The following PCDHGA8 variants were observed in gnomAD, a reference collection of about 807,000 sequenced individuals.
PCDHGA8 encodes protocadherin gamma-A8.
Under a neutral mutation model 59.2 loss-of-function variants are expected in PCDHGA8, and 45 were observed. The observed-to-expected ratio is 0.76, with a 90% CI of 0.60 to 0.98. PCDHGA8 has a LOEUF of 0.98. Ranked by LOEUF, PCDHGA8 falls within the 50% of genes least tolerant of loss-of-function variation. PCDHGA8 has a pLI of 0.00. For missense variants in PCDHGA8, 1,257 were observed against 1,196.2 expected (o/e 1.05, Z -0.75); for synonymous variants, 531 against 519.0 (o/e 1.02, Z -0.32).
rs199973289 is a variant in PCDHGA8, at chr5:141,393,414, G to A, written c.601G>A (p.Asp201Asn). The change falls in exon 1 of 4, where the codon GAC becomes AAC. Residue 201 changes from aspartate (D) to asparagine (N), a missense_variant. Physicochemically the swap from Asp to Asn is conservative, Grantham distance 23 (BLOSUM62 1). Transcript: ENST00000398604. ...AGAGCTGGTGCTGGAGCGCGCCCTG[G>A]ACAGGGAGGAAGAGGCTGCTCACCA... ...NPELVLERAL[D>N]REEEAAHHLV... 7 of 1,614,038 alleles carry A rather than the reference G, an allele frequency of 4.3e-6. No individual in the cohort carries two copies. In the East Asian group the frequency reaches 1.3e-4, roughly 31 times the overall value.
chr5:141,393,041 T>G lies in PCDHGA8; in HGVS notation c.228T>G (p.Ala76=). 2 of 1,613,702 alleles carry G rather than the reference T, an allele frequency of 1.2e-6. No homozygotes were observed. Among genetic ancestry groups the G allele is most frequent in the Non-Finnish European group, 1.7e-6 (2 of 1,179,894 alleles). ...IVSRGRTQLF[A]LNPRSGSLIT... ...CCAGAGGTAGGACGCAGCTCTTTGCTCTGAACCCGCGCAGCGGCAGCTTGA... is the reference window on the plus strand; with the variant it reads ...CCAGAGGTAGGACGCAGCTCTTTGCGCTGAACCCGCGCAGCGGCAGCTTGA... The change falls in exon 1 of 4, where the codon GCT becomes GCG. Residue 76 remains alanine, a synonymous_variant. Coordinates refer to ENST00000398604, the MANE Select transcript of PCDHGA8 (RefSeq NM_032088.2).
In PCDHGA8 at chr5:141,433,040, A is replaced by ACGGACT. The variant is rs753119003; in HGVS notation, c.2424+37806_2424+37811dup. The ACGGACT allele has an allele frequency of 8.1e-6, 13 of 1,614,088 alleles. No homozygotes were observed. In the African/African-American group the frequency reaches 1.7e-4, roughly 22 times the overall value. On this transcript the variant is annotated intron_variant, in intron 1 of 3. Transcript: ENST00000398604. ...CTATTCCCACGAGGTTTCCCTCACC[A>ACGGACT]CGGACTCGCGGAAGAGTCACCTGAT...
At chr5:141,460,455 A>G (rs1021070289) in intron 1 of PCDHGA8, among the ~76,000 whole-genome samples, 2 of 152,080 alleles carry the variant, frequency 1.3e-5, no homozygotes, top group African/African-American at 4.8e-5. Context: ...GAAGATTCAT[A>G]TTTTTTTCCA....
intron 1 of PCDHGA8, chr5:141,412,602 T>G (rs1239898248): frequency 6.6e-6 from 1 of 152,188 alleles, no homozygotes; most frequent in African/African-American, 2.4e-5. Flanking sequence ...CTAAATAAAA[T>G]TGGCCTATTC....
At chr5:141,496,602 C>A (rs981108050) in intron 2 of PCDHGA8, among the ~76,000 whole-genome samples, 5 of 152,150 alleles carry the variant, frequency 3.3e-5, no homozygotes, top group Admixed American at 1.3e-4. Flanking sequence ...TCTTAGAAGG[C>A]CCCTAAAAAG....
intron 1 of PCDHGA8, among the ~76,000 whole-genome samples, chr5:141,401,410 A>T (rs536817103): frequency 2.6e-5 from 4 of 152,354 alleles, no homozygotes; most frequent in African/African-American, 9.6e-5. Context: ...TGAGAGAGAA[A>T]GAGAGAGACT....
chr5:141,457,676 A>G (rs1380484149), intron 1 of PCDHGA8, among the ~76,000 whole-genome samples: 2 of 152,240 alleles, frequency 1.3e-5, no homozygotes, highest in East Asian at 3.8e-4. Flanking sequence ...TTATTTCTAC[A>G]TAGGACTTTT....
intron 1 of PCDHGA8, chr5:141,433,358 C>CCCAT (rs1554125967): frequency 7.1e-5 from 36 of 503,934 alleles, no homozygotes; most frequent in African/African-American, 1.2e-4. Flanking sequence ...CTACTGTCTG[C>CCCAT]CTATCTATCT....
intron 1 of PCDHGA8, among the ~76,000 whole-genome samples, chr5:141,483,432 A>G (rs756227206): frequency 2.0e-5 from 3 of 152,200 alleles, no homozygotes; most frequent in African/African-American, 4.8e-5. Flanking sequence ...GAGGGAGCTG[A>G]CTACAATAAA....
At chr5:141,441,820 G>A in intron 1 of PCDHGA8, 1 of 359,390 alleles carries the variant, frequency 2.8e-6, no homozygotes, top group Non-Finnish European at 5.5e-6. Flanking sequence ...CCCAGCTCTG[G>A]AGCGCAATGG....
intron 1 of PCDHGA8, chr5:141,441,694 G>A (rs1443778772): frequency 2.3e-5 from 7 of 301,140 alleles, no homozygotes; most frequent in Non-Finnish European, 2.6e-5. Context: ...GAGCAGCCGC[G>A]AGCCTTCAAG....
At chr5:141,420,770 T>G (rs1485978181) in intron 1 of PCDHGA8, among the ~76,000 whole-genome samples, 1 of 152,202 alleles carries the variant, frequency 6.6e-6, no homozygotes, top group Non-Finnish European at 1.5e-5. Flanking sequence ...AGTTTTCAGC[T>G]CCAGTAATAT....
intron 1 of PCDHGA8, among the ~76,000 whole-genome samples, chr5:141,469,189 T>C (rs1393685141): frequency 2.6e-5 from 4 of 151,710 alleles, no homozygotes; most frequent in African/African-American, 9.7e-5. Flanking sequence ...GGCAAGAGGA[T>C]TGCTTGAGCC....
chr5:141,413,649 C>G, intron 1 of PCDHGA8: 1 of 1,613,836 alleles, frequency 6.2e-7, no homozygotes, highest in South Asian at 1.1e-5. Flanking sequence ...GTTTTCCTCT[C>G]CCGGAAGCTA....
chr5:141,471,112 G>A (rs1442344944), intron 1 of PCDHGA8, among the ~76,000 whole-genome samples: 3 of 147,914 alleles, frequency 2.0e-5, no homozygotes, highest in Non-Finnish European at 4.4e-5. Flanking sequence ...GCAGTGGTGC[G>A]ATCTTACCTT....
Position 141,419,064 on chromosome 5 carries a change from A to G in PCDHGA8, c.2424+23827A>G, listed in dbSNP as rs149057484. ...ATTCATTCTTCTTCTAATAATTACT[A>G]CAAGCTAGTAACAGATGAGGCCCTG... On this transcript the variant is annotated intron_variant, in intron 1 of 3. Transcript: ENST00000398604. 51 of 1,613,962 alleles carry G rather than the reference A, an allele frequency of 3.2e-5. No homozygotes were observed. In the African/African-American group the frequency reaches 5.9e-4, roughly 19 times the overall value.
Position 141,393,879 on chromosome 5 carries a change from G to A in PCDHGA8, c.1066G>A (p.Val356Met). ...EVIITSLFSP[V>M]LENSLPGTVI... ...GATCATTACGTCTTTGTTTAGCCCA[G>A]TGTTAGAAAATTCTCTTCCCGGGAC... Residue 356 changes from valine (V) to methionine (M), a missense_variant, in exon 1 of 4, where the codon GTG becomes ATG. By Grantham distance (21) the Val-to-Met change is conservative. Coordinates refer to ENST00000398604, the MANE Select transcript of PCDHGA8 (RefSeq NM_032088.2). The A allele has an allele frequency of 6.2e-7, 1 of 1,614,010 alleles. No individual in the cohort carries two copies. The highest frequency in any genetic ancestry group is 8.5e-7 in the Non-Finnish European group (1 of 1,179,892).
At chr5:141,405,603 T>A in intron 1 of PCDHGA8, 1 of 571,444 alleles carries the variant, frequency 1.7e-6, no homozygotes, top group Non-Finnish European at 3.1e-6. Flanking sequence ...CCAAGTAGAA[T>A]AACTGGGACT....
chr5:141,501,290 TACACACACAC>T (rs55762287), intron 2 of PCDHGA8, among the ~76,000 whole-genome samples: 44 of 136,248 alleles, frequency 3.2e-4, no homozygotes, highest in Admixed American at 7.8e-4. Context: ...TATTCCCTTA[TACACACACAC>T]ACACACACAC....
Sources: gnomAD v4.1 joint callset for allele counts (sites outside exome capture counted in the v4.1 genomes callset) on GRCh38, gnomAD v4.1.1 for gene constraint, MANE v1.5 for transcripts, NCBI Gene and HGNC (gene_info 2026-07-23, HGNC 2026-07-21) for gene names.